The following CD300C variants were observed in gnomAD, a reference collection of about 807,000 sequenced individuals.
The protein encoded by CD300C is CD300c molecule.
CD300C carries 11 observed loss-of-function variants against 18.4 expected under a neutral mutation model. The observed-to-expected ratio is 0.60, with a 90% CI of 0.38 to 0.99. The LOEUF (loss-of-function observed/expected upper bound fraction) is 0.99, where lower values mean the gene tolerates loss of function less well. CD300C is among the 50% of genes least tolerant of loss of function. The probability of loss-of-function intolerance (pLI) is 0.01; values close to 1 mark genes in which losing one functional copy is unlikely to be tolerated. For missense variants in CD300C, 277 were observed against 287.4 expected (o/e 0.96, Z 0.26); for synonymous variants, 116 against 116.3 (o/e 1.00, Z 0.02).
At chr17:74,540,644 T>A, downstream of CD300C, among the ~76,000 whole-genome samples, 1 of 152,190 alleles carries the variant, frequency 6.6e-6, no homozygotes, top group African/African-American at 2.4e-5. Flanking sequence ...ATGGCGACCC[T>A]GGAACTGAAA....
chr17:74,544,036 G>GTGGGGC (rs1908656940), intron 2 of CD300C, among the ~76,000 whole-genome samples: 1 of 152,130 alleles, frequency 6.6e-6, no homozygotes, highest in Non-Finnish European at 1.5e-5. Context: ...TCCAGTGGCT[G>GTGGGGC]CTGCAGGAGC....
intron 1 of CD300C, 137 bp downstream of exon 1, chr17:74,545,585 G>A (rs936903229): frequency 2.4e-5 from 16 of 660,032 alleles, no homozygotes; most frequent in South Asian, 2.0e-4. Flanking sequence ...GCTGCTGACC[G>A]CTCCTGGGTG....
chr17:74,540,254 G>A (rs1393719075), downstream of CD300C, among the ~76,000 whole-genome samples: 3 of 152,160 alleles, frequency 2.0e-5, no homozygotes, highest in African/African-American at 7.2e-5. Context: ...ATCCCTGCTT[G>A]CTCAGCGCCT....
chr17:74,535,195 G>T, the CD300C span, among the ~76,000 whole-genome samples: 1 of 151,918 alleles, frequency 6.6e-6, no homozygotes, highest in Admixed American at 6.5e-5. Context: ...GGGGCGGGGC[G>T]CGGTGGCTCA....
At position 74,542,939 on chromosome 17, in the gene CD300C, C is replaced by G. The variant is rs199721034; in HGVS notation, c.449G>C (p.Gly150Ala). The G allele has an allele frequency of 5.0e-6, 8 of 1,613,382 alleles. No individual in the cohort carries two copies. The Admixed American group carries it at 1.0e-4, about 20-fold the overall frequency. Reference sequence around the variant, plus strand: ...GTGCACGGGCAGCTTCGTGGGAGGACCTGAGGTGCCCATGGAGCTCTGGGG... The same window carrying G: ...GTGCACGGGCAGCTTCGTGGGAGGAGCTGAGGTGCCCATGGAGCTCTGGGG... ...SSPQSSMGTS[G>A]PPTKLPVHTW... The change falls in exon 3 of 4, where the codon GGT becomes GCT. Residue 150 changes from glycine (G) to alanine (A), a missense_variant. Transcript: ENST00000330793.
Position 74,542,929 on chromosome 17 carries a change from C to T in CD300C, c.459G>A (p.Thr153=), listed in dbSNP as rs16978106. The change falls in exon 3 of 4, where the codon ACG becomes ACA. Residue 153 remains threonine (T), a synonymous_variant. Coordinates refer to ENST00000330793, the MANE Select transcript of CD300C (RefSeq NM_006678.5). ...QSSMGTSGPP[T]KLPVHTWPSV... ...TGGGCCAGGTGTGCACGGGCAGCTT[C>T]GTGGGAGGACCTGAGGTGCCCATGG... is the stretch of plus-strand genomic sequence containing the variant. 0.028 allele frequency: 45,444 copies of T among 1,612,964 alleles called. 4,094 individuals carry two copies. In the African/African-American group the frequency reaches 0.31, roughly 11 times the overall value.
chr17:74,543,411 T>G (rs888525593), intron 2 of CD300C, among the ~76,000 whole-genome samples: 2 of 152,198 alleles, frequency 1.3e-5, no homozygotes, highest in Non-Finnish European at 2.9e-5. Flanking sequence ...GGGTCCTCCC[T>G]GAACGATGGG....
downstream of CD300C, among the ~76,000 whole-genome samples, chr17:74,537,380 T>C (rs1438266293): frequency 2.0e-5 from 3 of 152,126 alleles, no homozygotes; most frequent in Non-Finnish European, 4.4e-5. Flanking sequence ...GTCCAGGCAC[T>C]GTGGCTCACA....
intron 1 of CD300C, 47 bp downstream of exon 1, chr17:74,545,675 C>T: frequency 6.8e-7 from 1 of 1,466,218 alleles, no homozygotes; most frequent in Non-Finnish European, 9.4e-7. Flanking sequence ...TCCCTGCCCT[C>T]TCCCACTCAG....
At chr17:74,535,410 A>C in the CD300C span, among the ~76,000 whole-genome samples, 1 of 147,304 alleles carries the variant, frequency 6.8e-6, no homozygotes, top group African/African-American at 2.5e-5. Flanking sequence ...CGGAGGTTGC[A>C]GTGAGCCGAG....
At chr17:74,535,753 G>A in the CD300C span, among the ~76,000 whole-genome samples, 1 of 152,014 alleles carries the variant, frequency 6.6e-6, no homozygotes, top group Non-Finnish European at 1.5e-5. Context: ...AGAGGAAATG[G>A]CCAATATTTG....
At chr17:74,543,418 T>C (rs572869714) in intron 2 of CD300C, among the ~76,000 whole-genome samples, 7 of 152,302 alleles carry the variant, frequency 4.6e-5, no homozygotes, top group African/African-American at 1.4e-4. Context: ...CCCTGAACGA[T>C]GGGACCCGAG....
chr17:74,543,905 C>T (rs1421748501), intron 2 of CD300C, among the ~76,000 whole-genome samples: 2 of 152,142 alleles, frequency 1.3e-5, no homozygotes, highest in African/African-American at 2.4e-5. Context: ...TTCTGGGGTT[C>T]CCTCCTGTGG....
chr17:74,537,086 C>A, downstream of CD300C, among the ~76,000 whole-genome samples: 1 of 145,400 alleles, frequency 6.9e-6, no homozygotes, highest in Admixed American at 6.9e-5. Flanking sequence ...GAGAAGTAGG[C>A]AGAAGAGTAG....
chr17:74,536,172 C>T (rs1253457719), downstream of CD300C, among the ~76,000 whole-genome samples: 1 of 151,806 alleles, frequency 6.6e-6, no homozygotes, highest in Non-Finnish European at 1.5e-5. Context: ...AAGTATAAAC[C>T]ATTAAGGAAA....
At chr17:74,545,003 G>A in intron 1 of CD300C, 56 bp from the exon 2 acceptor site, 1 of 1,497,730 alleles carries the variant, frequency 6.7e-7, no homozygotes, top group Non-Finnish European at 9.1e-7. Context: ...GGTCAGGGGT[G>A]CCGCAGTGTC....
chr17:74,537,153 G>A (rs11652233), downstream of CD300C, among the ~76,000 whole-genome samples: 113,414 of 151,440 alleles, frequency 0.75, 43,707 homozygotes, highest in African/African-American at 0.94. Flanking sequence ...AAGAGGAAGG[G>A]GAAGACGAGA....
At chr17:74,543,426 G>A (rs755456117) in intron 2 of CD300C, among the ~76,000 whole-genome samples, 6 of 152,218 alleles carry the variant, frequency 3.9e-5, no homozygotes, top group African/African-American at 7.2e-5. Context: ...GATGGGACCC[G>A]AGTCCACTCA....
chr17:74,545,619 C>A, intron 1 of CD300C, 103 bp downstream of exon 1: 3 of 935,218 alleles, frequency 3.2e-6, no homozygotes, highest in Non-Finnish European at 5.0e-6. Context: ...CTCCCCTCTC[C>A]CTGCCCCACT....
Sources: gnomAD v4.1 joint callset for allele counts (sites outside exome capture counted in the v4.1 genomes callset) on GRCh38, gnomAD v4.1.1 for gene constraint, MANE v1.5 for transcripts, NCBI Gene and HGNC (gene_info 2026-07-23, HGNC 2026-07-21) for gene names.